The following OTUD7A variants were observed in gnomAD, a reference collection of about 807,000 sequenced individuals.
OTUD7A encodes OTU deubiquitinase 7A, also known as OTU domain-containing protein 7A.
Under a neutral mutation model 65.7 loss-of-function variants are expected in OTUD7A, and 12 were observed. The observed-to-expected ratio is 0.18, with a 90% CI of 0.12 to 0.30. The LOEUF is 0.30. OTUD7A is among the 10% of genes least tolerant of loss of function. The pLI is 1.00. For synonymous variants in OTUD7A, 641 were observed against 586.3 expected (o/e 1.09, Z -1.35); for missense variants, 1,148 against 1,304.8 (o/e 0.88, Z 1.85).
intron 1 of OTUD7A, among the ~76,000 whole-genome samples, chr15:31,678,510 G>T (rs1892642208): frequency 6.6e-6 from 1 of 152,208 alleles, no homozygotes; most frequent in South Asian, 2.1e-4. Context: ...CCAGGGCCTT[G>T]CTGCTTTGTG....
At chr15:31,694,454 T>G (rs1893028757) in intron 1 of OTUD7A, among the ~76,000 whole-genome samples, 1 of 152,116 alleles carries the variant, frequency 6.6e-6, no homozygotes, top group Non-Finnish European at 1.5e-5. Context: ...AAAAAACTTT[T>G]TGTAACACCA....
chr15:31,501,662 C>T (rs373924634), intron 10 of OTUD7A, 28 bp downstream of exon 10: 11 of 1,613,742 alleles, frequency 6.8e-6, no homozygotes, highest in African/African-American at 4.0e-5. Context: ...TAGGCTCCTG[C>T]GTGCACTCTC....
intron 4 of OTUD7A, 88 bp from the exon 5 acceptor site, chr15:31,559,275 C>G: frequency 8.3e-7 from 1 of 1,211,910 alleles, no homozygotes; most frequent in Non-Finnish European, 1.2e-6. Context: ...TATGCACACA[C>G]AATACACACA....
intron 1 of OTUD7A, among the ~76,000 whole-genome samples, chr15:31,692,942 T>G (rs1393997979): frequency 6.6e-6 from 1 of 150,992 alleles, no homozygotes; most frequent in Non-Finnish European, 1.5e-5. Flanking sequence ...GGACAGACAC[T>G]TTTCCTGGCT....
At chr15:31,726,347 GCACACACA>G (rs5811658) in intron 1 of OTUD7A, among the ~76,000 whole-genome samples, 1 of 149,916 alleles carries the variant, frequency 6.7e-6, no homozygotes, top group Admixed American at 6.6e-5. Context: ...ACACACACAC[GCACACACA>G]CACACACACA....
chr15:31,523,819 G>A (rs1325821704), intron 8 of OTUD7A, among the ~76,000 whole-genome samples: 1 of 152,254 alleles, frequency 6.6e-6, no homozygotes, highest in Non-Finnish European at 1.5e-5. Flanking sequence ...GAGCAACTGT[G>A]CTTGTGCACA....
At chr15:31,864,782 C>T (rs1897835091) in intron 1 of OTUD7A, among the ~76,000 whole-genome samples, 1 of 152,022 alleles carries the variant, frequency 6.6e-6, no homozygotes, top group African/African-American at 2.4e-5. Flanking sequence ...CACACACACA[C>T]ACACACACAC....
intron 1 of OTUD7A, among the ~76,000 whole-genome samples, chr15:31,869,430 C>G (rs1053473936): frequency 6.6e-6 from 1 of 152,180 alleles, no homozygotes; most frequent in Admixed American, 6.5e-5. Flanking sequence ...GATTTAGGCC[C>G]CGCTGTCAAC....
At chr15:31,856,189 A>G (rs1897567858) in intron 1 of OTUD7A, among the ~76,000 whole-genome samples, 1 of 152,246 alleles carries the variant, frequency 6.6e-6, no homozygotes. Context: ...TGTATTGTAG[A>G]CTAAAAATGT....
intron 8 of OTUD7A, among the ~76,000 whole-genome samples, chr15:31,515,666 T>C (rs200127262): frequency 2.7e-5 from 2 of 75,330 alleles, no homozygotes; most frequent in Non-Finnish European, 5.9e-5. Context: ...TCCATCCATC[T>C]ATTGATCCAC....
intron 1 of OTUD7A, among the ~76,000 whole-genome samples, chr15:31,722,814 T>C (rs371280039): frequency 5.9e-5 from 9 of 152,228 alleles, no homozygotes; most frequent in African/African-American, 2.2e-4. Flanking sequence ...AATATAAGAT[T>C]ACATCCCAGA....
intron 1 of OTUD7A, among the ~76,000 whole-genome samples, chr15:31,735,644 T>C (rs1894168510): frequency 1.3e-5 from 2 of 152,030 alleles, no homozygotes; most frequent in African/African-American, 2.4e-5. Flanking sequence ...TTGTGGAAGA[T>C]AGTGTGGTGA....
chr15:31,676,962 G>A (rs1322410656), intron 1 of OTUD7A, among the ~76,000 whole-genome samples: 1 of 152,228 alleles, frequency 6.6e-6, no homozygotes. Flanking sequence ...AATAAAGTGT[G>A]CTGGAGACCC....
intron 1 of OTUD7A, among the ~76,000 whole-genome samples, chr15:31,664,261 G>C (rs1322500339): frequency 7.2e-6 from 1 of 139,036 alleles, no homozygotes; most frequent in Non-Finnish European, 1.5e-5. Context: ...GTTTTCCATA[G>C]TGGCTGCACT....
intron 5 of OTUD7A, among the ~76,000 whole-genome samples, 199 bp from the exon 6 acceptor site, chr15:31,531,007 A>G (rs1887602645): frequency 6.6e-6 from 1 of 152,218 alleles, no homozygotes; most frequent in African/African-American, 2.4e-5. Context: ...AAATCCTCCC[A>G]TCAATTAGCA....
chr15:31,847,009 G>A (rs1468608638), intron 1 of OTUD7A, among the ~76,000 whole-genome samples: 1 of 152,164 alleles, frequency 6.6e-6, no homozygotes, highest in Non-Finnish European at 1.5e-5. Context: ...TCCCTGCTAG[G>A]CAGGGCAGGG....
intron 3 of OTUD7A, among the ~76,000 whole-genome samples, chr15:31,652,919 G>A (rs1354385023): frequency 2.0e-5 from 3 of 152,146 alleles, no homozygotes; most frequent in African/African-American, 7.2e-5. Flanking sequence ...AAACAGGTTG[G>A]CAGTTTCTTA....
At chr15:31,618,241 A>G (rs1890657354) in intron 3 of OTUD7A, among the ~76,000 whole-genome samples, 3 of 152,140 alleles carry the variant, frequency 2.0e-5, no homozygotes, top group Admixed American at 1.3e-4. Context: ...ATAAACATAC[A>G]TGTGCATGTG....
chr15:31,703,171 G>A (rs1034625250), intron 1 of OTUD7A, among the ~76,000 whole-genome samples: 9 of 151,934 alleles, frequency 5.9e-5, no homozygotes, highest in Non-Finnish European at 1.0e-4. Context: ...ATAAACATAC[G>A]AGAAAATCTT....
Sources: gnomAD v4.1 joint callset for allele counts (sites outside exome capture counted in the v4.1 genomes callset) on GRCh38, gnomAD v4.1.1 for gene constraint, MANE v1.5 for transcripts, NCBI Gene and HGNC (gene_info 2026-07-23, HGNC 2026-07-21) for gene names.